PYCR1: variants seen among roughly 807,000 people sequenced by gnomAD.
The protein encoded by PYCR1 is pyrroline-5-carboxylate reductase 1, mitochondrial.
Under a neutral mutation model 22.9 loss-of-function variants are expected in PYCR1, and 19 were observed. The ratio of observed to expected loss-of-function variants is 0.83; its 90% confidence interval spans 0.58 to 1.22. The LOEUF is 1.22. Among genes scored for constraint, PYCR1 ranks in the 50% most tolerant of loss-of-function variants. PYCR1 has a pLI of 0.00. For synonymous variants in PYCR1, 175 were observed against 180.5 expected, an observed-to-expected ratio of 0.97 and a Z score of 0.24; for missense variants, 429 against 431.3, an observed-to-expected ratio of 0.99 and a Z score of 0.05.
rs121918376 is a variant in PYCR1 at position 81,935,111 on chromosome 17, G to C, written c.355C>G (p.Arg119Gly). 4 of 1,609,746 alleles carry C rather than the reference G, an allele frequency of 2.5e-6. No individual in the cohort carries two copies. The highest frequency in any genetic ancestry group is 1.7e-5 in the Admixed American group (1 of 60,004). The change falls in exon 4 of 7, where the codon CGC (arginine) becomes GGC (glycine). Residue 119 changes from arginine to glycine, a missense_variant. Physicochemically the swap from Arg to Gly is moderately radical, Grantham distance 125 (BLOSUM62 -2). Transcript: ENST00000329875. ...SAFRPAPRVI[R>G]CMTNTPVVVR... ...ACGACTGGAGTGTTGGTCATGCAGC[G>C]GATGACCCTGGGGGCTGGCCGAAAC... is the stretch of plus-strand genomic sequence containing the variant.
chr17:81,936,023 C>G (rs2041178206), intron 2 of PYCR1, 100 bp downstream of exon 2: 1 of 1,354,048 alleles, frequency 7.4e-7, no homozygotes, highest in African/African-American at 1.4e-5. Flanking sequence ...AGCCCAGGGC[C>G]CCTGCCCTCA....
rs1326428508 is a variant in PYCR1, at chr17:81,936,867, G to T, written c.-53C>A. On this transcript the variant is annotated 5_prime_UTR_variant, in exon 1 of 7. Coordinates refer to ENST00000329875, the MANE Select transcript of PYCR1 (RefSeq NM_006907.4). ...CCCCACAGATGGCACCGGCTCTGCG[G>T]GACGAGACCGGCAGGATCGAGAGCA... is the stretch of plus-strand genomic sequence containing the variant. 11 of 1,574,440 alleles carry T rather than the reference G, an allele frequency of 7.0e-6. No individual in the cohort carries two copies. Among genetic ancestry groups the T allele is most frequent in the Non-Finnish European group, 8.6e-7 (1 of 1,161,484 alleles).
chr17:81,932,970 T>C lies in PYCR1; in HGVS notation c.*244A>G. 5.6e-6 allele frequency: 9 copies of C among 1,610,112 alleles called. No homozygotes were observed. Among genetic ancestry groups the C allele is most frequent in the East Asian group, 2.2e-5 (1 of 44,842 alleles). ...GCTCTAGAGGAAGGTGGTCCTGACA[T>C]GGTTTGGGAGCAGAGAAGAAAGGAG... On this transcript the variant is annotated 3_prime_UTR_variant, in exon 7 of 7. Coordinates refer to ENST00000329875, the MANE Select transcript of PYCR1 (RefSeq NM_006907.4).
intron 2 of PYCR1, 103 bp from the exon 3 acceptor site, chr17:81,935,619 G>T: frequency 3.1e-6 from 3 of 979,888 alleles, no homozygotes; most frequent in African/African-American, 1.6e-5. Context: ...GCTGGAGTTG[G>T]GGGTGGGCAG....
chr17:81,935,252 AC>A lies in PYCR1; in HGVS notation c.318+84del. 3 of 1,586,774 alleles carry A rather than the reference AC, an allele frequency of 1.9e-6. No individual in the cohort carries two copies. In the South Asian group the frequency reaches 3.3e-5, roughly 18 times the overall value. On this transcript the variant is annotated intron_variant, in intron 3 of 6. Transcript: ENST00000329875. ...TCTCCCAGTGGGCCGGGACGCTGCA[AC>A]CCTTTTGCAGATGAAAACTGAAGTA...
At position 81,934,208 on chromosome 17, in the gene PYCR1, A is replaced by G. The variant is rs1373470672; in HGVS notation, c.797+118T>C. 10 of 1,475,322 alleles carry G rather than the reference A, an allele frequency of 6.8e-6. No individual in the cohort carries two copies. The South Asian group carries it at 9.6e-5, about 14-fold the overall frequency. 91.4% of individuals were successfully genotyped at this position (1,475,322 alleles called of 1,614,324 possible). ...CTCGGGGCCCCCTGTGTCCTGCGCA[A>G]CACTGGGCTGGAGCTCAATACGTAT... On this transcript the variant is annotated intron_variant, in intron 6 of 6. Coordinates refer to ENST00000329875, the MANE Select transcript of PYCR1 (RefSeq NM_006907.4).
In PYCR1 at chr17:81,934,709, C is replaced by T. The variant is rs773142712; in HGVS notation, c.577G>A (p.Val193Met). 14 of 1,571,080 alleles carry T rather than the reference C, an allele frequency of 8.9e-6. No individual in the cohort carries two copies. The highest frequency in any genetic ancestry group is 2.7e-5 in the African/African-American group (2 of 73,672). ...TALDALADGG[V>M]KMGLPRRLAV... is the part of the protein sequence containing the mutation. ...AGGCGCCTTGGAAGTCCCATCTTCACACCCCCATCAGCCAGGGCATCCAGG... is the reference window on the plus strand; with the variant it reads ...AGGCGCCTTGGAAGTCCCATCTTCATACCCCCATCAGCCAGGGCATCCAGG... Residue 193 changes from valine to methionine, a missense_variant, in exon 5 of 7, where the codon GTG becomes ATG. Coordinates refer to ENST00000329875, the MANE Select transcript of PYCR1 (RefSeq NM_006907.4).
chr17:81,934,608 C>A, intron 5 of PYCR1, 45 bp downstream of exon 5: 7 of 1,548,950 alleles, frequency 4.5e-6, no homozygotes, highest in South Asian at 1.2e-5. Flanking sequence ...AGCCCCAGGG[C>A]CCCGCAAAGA....
intron 1 of PYCR1, 69 bp from the exon 2 acceptor site, chr17:81,936,262 G>A (rs1429115624): frequency 3.8e-5 from 57 of 1,497,774 alleles, no homozygotes; most frequent in Non-Finnish European, 4.9e-5. Context: ...GTCTCGCTGT[G>A]TTGCCCAGGC....
Position 81,934,134 on chromosome 17 carries a change from C to A in PYCR1, c.797+192G>T, listed in dbSNP as rs372679183. ...TCCCTCTATGGATGTTCCCTCCTCGCAGGAAACGGAAGGTGGGGAGGGGCA... is the reference window on the plus strand; with the variant it reads ...TCCCTCTATGGATGTTCCCTCCTCGAAGGAAACGGAAGGTGGGGAGGGGCA... On this transcript the variant is annotated intron_variant, in intron 6 of 6. Transcript: ENST00000329875. The A allele has an allele frequency of 5.4e-4, 417 of 772,834 alleles. 6 individuals carry two copies. In the East Asian group the frequency reaches 8.6e-3, roughly 16 times the overall value. The allele number at this position is 772,834 out of a possible 1,614,324, so 47.9% of individuals were successfully genotyped here. A position where few individuals can be genotyped will look rare whatever the true frequency, so the allele number is the denominator to read the frequency against.
At chr17:81,936,693 G>C (rs1359940014) in intron 1 of PYCR1, 55 bp downstream of exon 1, 1 of 1,548,696 alleles carries the variant, frequency 6.5e-7, no homozygotes, top group African/African-American at 1.4e-5. Context: ...CTGCAGAAGT[G>C]GAAAGAGGCC....
intron 6 of PYCR1, 57 bp from the exon 7 acceptor site, chr17:81,933,433 A>G: frequency 1.9e-6 from 3 of 1,598,672 alleles, no homozygotes; most frequent in Non-Finnish European, 2.6e-6. Flanking sequence ...AGGAAGAGGG[A>G]GTGAAGCCCA....
chr17:81,933,738 T>A (rs1018220525), intron 6 of PYCR1, among the ~76,000 whole-genome samples: 2 of 152,192 alleles, frequency 1.3e-5, no homozygotes, highest in Non-Finnish European at 2.9e-5. Flanking sequence ...GTGTCTGGAC[T>A]GGAGAGTGGG....
intron 2 of PYCR1, among the ~76,000 whole-genome samples, chr17:81,935,820 C>G (rs1187406451): frequency 1.3e-5 from 2 of 152,234 alleles, no homozygotes; most frequent in South Asian, 2.1e-4. Context: ...TGGTCTCAAG[C>G]AGCCCCCAGG....
chr17:81,934,538 C>T (rs1446343290), intron 5 of PYCR1, 49 bp from the exon 6 acceptor site: 8 of 1,558,862 alleles, frequency 5.1e-6, no homozygotes, highest in Middle Eastern at 1.8e-4. Context: ...CCTGCCTCTG[C>T]GGGGCACTGC....
rs1286354827 is a variant in PYCR1, at chr17:81,936,106, C to T, written c.138+17G>A. On this transcript the variant is annotated intron_variant, in intron 2 of 6. Coordinates refer to ENST00000329875, the MANE Select transcript of PYCR1 (RefSeq NM_006907.4). Reference sequence around the variant, plus strand: ...CACAGGGACTCAGTCTCCTTTCTCCCTTTCATCTGCACCTACCCTGAGAGC... The same window carrying T: ...CACAGGGACTCAGTCTCCTTTCTCCTTTTCATCTGCACCTACCCTGAGAGC... 2 of 1,613,334 alleles carry T rather than the reference C, an allele frequency of 1.2e-6. No homozygotes were observed. Among genetic ancestry groups the T allele is most frequent in the African/African-American group, 2.7e-5 (2 of 75,054 alleles).
chr17:81,934,826 T>TG, intron 4 of PYCR1, 81 bp from the exon 5 acceptor site: 1 of 1,544,914 alleles, frequency 6.5e-7, no homozygotes, highest in South Asian at 1.2e-5. Context: ...CCCACAGCCT[T>TG]GGAGCCCTCC....
chr17:81,934,192 C>T, intron 6 of PYCR1, 134 bp downstream of exon 6: 1 of 1,384,936 alleles, frequency 7.2e-7, no homozygotes, highest in Non-Finnish European at 9.9e-7. Flanking sequence ...CCTCGGGGCC[C>T]CCTGTGTCCT....
intron 6 of PYCR1, among the ~76,000 whole-genome samples, chr17:81,933,678 C>T (rs1160065762): frequency 6.6e-6 from 1 of 152,176 alleles, no homozygotes. Flanking sequence ...TGAGGCCAGG[C>T]CCCTCGTGTT....
Sources: allele counts gnomAD v4.1 joint callset (sites outside exome capture counted in the v4.1 genomes callset), GRCh38; gene constraint gnomAD v4.1.1; transcripts MANE v1.5; gene names NCBI Gene and HGNC (gene_info 2026-07-23, HGNC 2026-07-21).